Variants in UMPS observed in about 807,000 individuals in gnomAD.
UMPS encodes the protein uridine 5'-monophosphate synthase.
Under a neutral mutation model 38.9 loss-of-function variants are expected in UMPS, and 21 were observed. That is an observed-to-expected ratio of 0.54 (90% CI 0.38 to 0.78). The LOEUF is 0.78. Ranked by LOEUF, UMPS falls within the 30% of genes least tolerant of loss-of-function variation. The probability of loss-of-function intolerance (pLI) is 0.00; values close to 1 mark genes in which losing one functional copy is unlikely to be tolerated. For missense variants in UMPS, 533 were observed against 591.6 expected (o/e 0.90, Z 1.03); for synonymous variants, 208 against 219.3 (o/e 0.95, Z 0.45).
At chr3:124,739,366 C>G (rs181982295) in intron 3 of UMPS, among the ~76,000 whole-genome samples, 16 of 152,276 alleles carry the variant, frequency 1.1e-4, no homozygotes, top group African/African-American at 2.6e-4. Context: ...GGGTCTTGCT[C>G]TGTCGCCCAG....
In UMPS at chr3:124,745,897, G is replaced by A. The variant is rs1306128795; in HGVS notation, c.*1813G>A. 4.4e-6 allele frequency: 2 copies of A among 453,956 alleles called. No individual in the cohort carries two copies. Among genetic ancestry groups the A allele is most frequent in the Admixed American group, 2.3e-5 (1 of 42,558 alleles). The allele number at this position is 453,956 out of a possible 1,614,324, so 28.1% of individuals were successfully genotyped here. A position where few individuals can be genotyped will look rare whatever the true frequency, so the allele number is the denominator to read the frequency against. On this transcript the variant is annotated 3_prime_UTR_variant, in exon 6 of 6. Coordinates refer to ENST00000232607, the MANE Select transcript of UMPS (RefSeq NM_000373.4). ...TTCTCCCACTTTAGCAGGTATCAGA[G>A]TCACCTGGAGTCTTGTCAAAACAGG...
chr3:124,736,404 G>A (rs767271165), intron 2 of UMPS, among the ~76,000 whole-genome samples: 12 of 147,944 alleles, frequency 8.1e-5, no homozygotes, highest in Non-Finnish European at 1.8e-4. Context: ...AAATTTTTAT[G>A]ATTAAAAAAA....
At chr3:124,742,013 C>T (rs2063560115) in intron 4 of UMPS, 139 bp from the exon 5 acceptor site, 1 of 742,060 alleles carries the variant, frequency 1.3e-6, no homozygotes, top group Non-Finnish European at 2.2e-6. Flanking sequence ...CCCAGGGGTT[C>T]AAGACCAGCC....
intron 4 of UMPS, 21 bp downstream of exon 4, chr3:124,740,220 G>A (rs766566377): frequency 1.9e-6 from 3 of 1,594,166 alleles, no homozygotes; most frequent in Non-Finnish European, 2.6e-6. Context: ...GGGGGACTGG[G>A]TGAGAGGGGG....
chr3:124,743,800 G>C, intron 5 of UMPS, 115 bp from the exon 6 acceptor site: 1 of 1,352,086 alleles, frequency 7.4e-7, no homozygotes, highest in Non-Finnish European at 1.0e-6. Flanking sequence ...AAAGGGGAAC[G>C]AAAGTAGGGG....
At position 124,742,264 on chromosome 3, in the gene UMPS, G is replaced by C; in HGVS notation, c.1271G>C (p.Gly424Ala). ...HLTPGVQLEA[G>A]GDNLGQQYNS... is the part of the protein sequence containing the mutation. ...ACTCCAGGAGTTCAGTTGGAAGCAG[G>C]AGGTAAATCTGGTCACTGGTCGTGG... The change falls in exon 5 of 6, where the codon GGA becomes GCA. Residue 424 changes from glycine (G) to alanine (A), a missense_variant and splice_region_variant. Physicochemically the swap from Gly to Ala is moderately conservative, Grantham distance 60. Transcript: ENST00000232607. The C allele has an allele frequency of 6.2e-7, 1 of 1,612,314 alleles. No individual in the cohort carries two copies. The highest frequency in any genetic ancestry group is 8.5e-7 in the Non-Finnish European group (1 of 1,178,390).
At position 124,746,013 on chromosome 3, in the gene UMPS, G is replaced by A. The variant is rs767700728; in HGVS notation, c.*1929G>A. ...TTCCAAAAAGGTCCCAGGTGATGCTGCGGTTGCCTGCGCAGGGACTGGACT... is the reference window on the plus strand; with the variant it reads ...TTCCAAAAAGGTCCCAGGTGATGCTACGGTTGCCTGCGCAGGGACTGGACT... On this transcript the variant is annotated 3_prime_UTR_variant, in exon 6 of 6. Coordinates refer to ENST00000232607, the MANE Select transcript of UMPS (RefSeq NM_000373.4). 2.2e-6 allele frequency: 1 copy of A among 454,102 alleles called. No homozygotes were observed. The highest frequency in any genetic ancestry group is 1.6e-5 in the South Asian group (1 of 64,476). 28.1% of individuals were successfully genotyped at this position (454,102 alleles called of 1,614,324 possible). A position where few individuals can be genotyped will look rare whatever the true frequency, so the allele number is the denominator to read the frequency against.
intron 1 of UMPS, 108 bp downstream of exon 1, chr3:124,730,735 C>A: frequency 7.6e-7 from 1 of 1,316,652 alleles, no homozygotes. Flanking sequence ...AAGAGCCAAG[C>A]AGGCAGACCG....
chr3:124,744,712 T>C lies in UMPS; in HGVS notation c.*628T>C, dbSNP rs1265663281. On this transcript the variant is annotated 3_prime_UTR_variant, in exon 6 of 6. Coordinates refer to ENST00000232607, the MANE Select transcript of UMPS (RefSeq NM_000373.4). ...GTGTGAGCCACTGTGCCCAGCCTAA[T>C]TGCAGTAAGACAAAAATTCTAGGGC... is the stretch of plus-strand genomic sequence containing the variant. 1 of 454,008 alleles carries C rather than the reference T, an allele frequency of 2.2e-6. No homozygotes were observed. The highest frequency in any genetic ancestry group is 2.0e-5 in the African/African-American group (1 of 50,004). 28.1% of individuals were successfully genotyped at this position (454,008 alleles called of 1,614,324 possible).
chr3:124,739,204 A>G (rs915280274), intron 3 of UMPS, among the ~76,000 whole-genome samples: 6 of 152,250 alleles, frequency 3.9e-5, no homozygotes, highest in Admixed American at 6.5e-5. Flanking sequence ...TTTAAAAGGA[A>G]TATAGTTGCC....
chr3:124,738,215 AAC>A lies in UMPS; in HGVS notation c.962_963del (p.Thr321SerfsTer6). The A allele has an allele frequency of 1.9e-6, 3 of 1,614,124 alleles. No individual in the cohort carries two copies. Among genetic ancestry groups the A allele is most frequent in the Non-Finnish European group, 1.7e-6 (2 of 1,180,052 alleles). ...FEDRKFADIGNTVKKQYEGGI... is the reference protein window; with the variant it reads ...FEDRKFADIGXTVKKQYEGGI... Reference sequence around the variant, plus strand: ...AGACCGGAAGTTTGCAGATATAGGAAACACAGTGAAAAAGCAGTATGAAGGTA... The same window carrying A: ...AGACCGGAAGTTTGCAGATATAGGAAACAGTGAAAAAGCAGTATGAAGGTA... On this transcript the variant is annotated frameshift_variant, in exon 3 of 6. Coordinates refer to ENST00000232607, the MANE Select transcript of UMPS (RefSeq NM_000373.4). LOFTEE classifies it high-confidence loss of function.
chr3:124,737,895 G>A lies in UMPS; in HGVS notation c.638G>A (p.Gly213Asp), dbSNP rs1801019. The A allele has an allele frequency of 6.2e-7, 1 of 1,613,990 alleles. No homozygotes were observed. The highest frequency in any genetic ancestry group is 8.5e-7 in the Non-Finnish European group (1 of 1,179,980). The change falls in exon 3 of 6, where the codon GGT becomes GAT. Residue 213 changes from glycine to aspartate, a missense_variant. By Grantham distance (94) the Gly-to-Asp change is moderately conservative. Transcript: ENST00000232607. ...ENVFVAANHN[G>D]SPLSIKEAPK... Reference sequence around the variant, plus strand: ...GTCTTTGTGGCAGCGAATCATAATGGTTCTCCCCTTTCTATAAAGGAAGCA... The same window carrying A: ...GTCTTTGTGGCAGCGAATCATAATGATTCTCCCCTTTCTATAAAGGAAGCA...
At chr3:124,738,335 G>C in intron 3 of UMPS, 96 bp downstream of exon 3, 1 of 1,373,370 alleles carries the variant, frequency 7.3e-7, no homozygotes, top group African/African-American at 1.4e-5. Context: ...TCCATTCATA[G>C]AGCAGGCTGT....
intron 1 of UMPS, among the ~76,000 whole-genome samples, chr3:124,734,752 GGCTCACGCCTGTAATCCCA>G (rs1343234387): frequency 1.3e-5 from 2 of 152,164 alleles, no homozygotes; most frequent in Admixed American, 1.3e-4. Context: ...TGGGCGCAGT[GGCTCACGCCTGTAATCCCA>G]GCACTTTGGG....
intron 1 of UMPS, among the ~76,000 whole-genome samples, chr3:124,732,667 T>G (rs2063488194): frequency 6.6e-6 from 1 of 152,214 alleles, no homozygotes; most frequent in African/African-American, 2.4e-5. Context: ...ACTGCAAAGA[T>G]AGAGAACATT....
chr3:124,732,669 G>C (rs186764156), intron 1 of UMPS, among the ~76,000 whole-genome samples: 6 of 152,328 alleles, frequency 3.9e-5, no homozygotes, highest in Middle Eastern at 3.4e-3. Context: ...TGCAAAGATA[G>C]AGAACATTTC....
chr3:124,739,251 C>G (rs17843830), intron 3 of UMPS, among the ~76,000 whole-genome samples: 170 of 152,244 alleles, frequency 1.1e-3, no homozygotes, highest in African/African-American at 4.0e-3. Flanking sequence ...CTAAGGAACA[C>G]GTAGAAATAT....
At position 124,735,371 on chromosome 3, in the gene UMPS, G is replaced by A. The variant is rs1171597568; in HGVS notation, c.310+125G>A. The stretch of plus-strand genomic sequence containing the variant: ...TGAGTTCTTTAAGTTGTTACTGCTT[G>A]TAGAATTTATAATTGTTACTATAAG... On this transcript the variant is annotated intron_variant, in intron 2 of 5. Coordinates refer to ENST00000232607, the MANE Select transcript of UMPS (RefSeq NM_000373.4). 1.5e-5 allele frequency: 13 copies of A among 888,730 alleles called. No homozygotes were observed. The Admixed American group carries it at 3.0e-4, about 20-fold the overall frequency. The allele number at this position is 888,730 out of a possible 1,614,324, so 55.1% of individuals were successfully genotyped here. A position where few individuals can be genotyped will look rare whatever the true frequency, so the allele number is the denominator to read the frequency against.
intron 1 of UMPS, chr3:124,731,463 T>C (rs1225121087): frequency 2.4e-6 from 1 of 424,906 alleles, no homozygotes; most frequent in Admixed American, 2.6e-5. Flanking sequence ...AATGTATAGC[T>C]AATCAATCGC....
Sources: gnomAD v4.1 joint callset for allele counts (sites outside exome capture counted in the v4.1 genomes callset) on GRCh38, gnomAD v4.1.1 for gene constraint, MANE v1.5 for transcripts, NCBI Gene and HGNC (gene_info 2026-07-23, HGNC 2026-07-21) for gene names.